Variants in PDE10A observed in about 807,000 individuals in gnomAD.
PDE10A encodes phosphodiesterase 10A.
In PDE10A, 39 loss-of-function variants were observed where a neutral mutation model predicts 97.7. The ratio of observed to expected loss-of-function variants is 0.40; its 90% CI spans 0.31 to 0.52. The LOEUF (loss-of-function observed/expected upper bound fraction) is 0.52. Among genes scored for constraint, PDE10A ranks in the 20% least tolerant of loss-of-function variants. The pLI, the probability that PDE10A is intolerant of heterozygous loss-of-function variation, is 0.56. For synonymous variants in PDE10A, 371 were observed against 376.8 expected (o/e 0.98, Z 0.18); for missense variants, 731 against 1,047.8 (o/e 0.70, Z 4.17).
upstream of PDE10A, among the ~76,000 whole-genome samples, chr6:165,664,074 C>T (rs1316425337): frequency 6.6e-6 from 1 of 152,156 alleles, no homozygotes; most frequent in African/African-American, 2.4e-5. Flanking sequence ...CACGGTGGCA[C>T]GGGCTGTCCG....
At chr6:165,409,554 GA>G in intron 13 of PDE10A, 4 of 161,600 alleles carry the variant, frequency 2.5e-5, no homozygotes, top group Non-Finnish European at 5.3e-5. Flanking sequence ...ATCTCAGAAA[GA>G]AAAGGTGTCT....
chr6:165,608,762 C>T (rs559595296), intron 1 of PDE10A, among the ~76,000 whole-genome samples: 1 of 152,328 alleles, frequency 6.6e-6, no homozygotes, highest in South Asian at 2.1e-4. Context: ...TCCATATCCT[C>T]TCCAGCACCT....
At chr6:165,503,384 C>T (rs1246272156) in intron 2 of PDE10A, among the ~76,000 whole-genome samples, 1 of 152,162 alleles carries the variant, frequency 6.6e-6, no homozygotes, top group Non-Finnish European at 1.5e-5. Flanking sequence ...GGCAAGCAAA[C>T]CAAAGCAATC....
At chr6:165,947,514 C>G (rs1783811512) in intron 1 of PDE10A, among the ~76,000 whole-genome samples, 1 of 152,158 alleles carries the variant, frequency 6.6e-6, no homozygotes, top group South Asian at 2.1e-4. Context: ...CTTTCTCTCA[C>G]CAACTCAGCT....
chr6:165,583,144 A>C (rs1331053577), intron 1 of PDE10A, among the ~76,000 whole-genome samples: 1 of 152,194 alleles, frequency 6.6e-6, no homozygotes, highest in Non-Finnish European at 1.5e-5. Flanking sequence ...TTTAATCTTC[A>C]AAATGATCCA....
At chr6:165,712,623 C>T (rs1278087167) in intron 1 of PDE10A, among the ~76,000 whole-genome samples, 28 of 130,482 alleles carry the variant, frequency 2.1e-4, no homozygotes. Flanking sequence ...AACGTTTCAA[C>T]TTTCTTTCTT....
intron 18 of PDE10A, among the ~76,000 whole-genome samples, chr6:165,366,850 G>A (rs184524412): frequency 1.2e-3 from 184 of 152,286 alleles, no homozygotes; most frequent in African/African-American, 4.1e-3. Context: ...GATGATTGAT[G>A]AGAAATGCAA....
intron 6 of PDE10A, among the ~76,000 whole-genome samples, chr6:165,433,658 TATC>T (rs895803492): frequency 3.3e-5 from 5 of 152,190 alleles, no homozygotes; most frequent in African/African-American, 9.7e-5. Context: ...ATCAATTACT[TATC>T]ATAAGAAATG....
chr6:165,676,459 G>A lies in PDE10A; in HGVS notation c.-614-132891C>T, dbSNP rs548453607. Among the ~76,000 whole-genome samples, 10 of 152,320 alleles carry A rather than the reference G, an allele frequency of 6.6e-5. No homozygotes were observed. In the East Asian group the frequency reaches 1.5e-3, roughly 23 times the overall value. On this transcript the variant is annotated intron_variant, in intron 1 of 19. Coordinates refer to the PDE10A transcript ENST00000366882. ...TGGGAAACCGGACAGGTGCCGCAGA[G>A]GAAGAGGTGGGTCAGGGTGCTGGGC...
chr6:165,948,244 T>C (rs1309954334), intron 1 of PDE10A: 1 of 152,148 alleles, frequency 6.6e-6, no homozygotes, highest in Non-Finnish European at 1.5e-5. Flanking sequence ...AGTTTTATTA[T>C]CAAGTGCAGG....
intron 1 of PDE10A, among the ~76,000 whole-genome samples, chr6:165,614,097 T>A (rs1323014437): frequency 1.3e-5 from 2 of 152,334 alleles, no homozygotes; most frequent in East Asian, 1.9e-4. Context: ...ACATTTCCAC[T>A]TACTTTGACC....
chr6:165,860,850 A>G (rs554499066), intron 1 of PDE10A, among the ~76,000 whole-genome samples: 74 of 152,284 alleles, frequency 4.9e-4, no homozygotes, highest in African/African-American at 1.7e-3. Flanking sequence ...CACACAGAGG[A>G]CCTGAAGGGC....
intron 2 of PDE10A, among the ~76,000 whole-genome samples, chr6:165,509,000 G>A (rs1381131795): frequency 1.3e-5 from 2 of 151,712 alleles, no homozygotes; most frequent in African/African-American, 2.4e-5. Flanking sequence ...ATTTTTTTCT[G>A]GGCATTTCAT....
At chr6:165,824,595 C>G (rs1432041893) in intron 1 of PDE10A, among the ~76,000 whole-genome samples, 1 of 152,146 alleles carries the variant, frequency 6.6e-6, no homozygotes, top group Non-Finnish European at 1.5e-5. Context: ...CACCTTGGAA[C>G]AAAGAATGTG....
At chr6:165,357,510 G>A (rs1783099511) in intron 18 of PDE10A, among the ~76,000 whole-genome samples, 1 of 152,070 alleles carries the variant, frequency 6.6e-6, no homozygotes, top group Non-Finnish European at 1.5e-5. Context: ...GCCTGGTCCT[G>A]AGGGATGGGT....
chr6:165,350,403 A>G (rs1477312569), intron 18 of PDE10A, among the ~76,000 whole-genome samples: 1 of 152,118 alleles, frequency 6.6e-6, no homozygotes, highest in Non-Finnish European at 1.5e-5. Context: ...GGAATGCTAT[A>G]TTTACCCAAT....
intron 1 of PDE10A, among the ~76,000 whole-genome samples, chr6:165,933,978 C>T (rs1330850898): frequency 6.6e-6 from 1 of 151,086 alleles, no homozygotes; most frequent in Non-Finnish European, 1.5e-5. Flanking sequence ...CATTTTGAAG[C>T]ATCAATTCCC....
chr6:165,900,602 T>TATATAC (rs1256670161), intron 1 of PDE10A, among the ~76,000 whole-genome samples: 9 of 150,178 alleles, frequency 6.0e-5, no homozygotes, highest in Admixed American at 1.3e-4. Context: ...CCCCCATGTG[T>TATATAC]ATATACACCT....
At chr6:165,748,808 TTGTG>T (rs71029562) in intron 1 of PDE10A, among the ~76,000 whole-genome samples, 1,692 of 147,686 alleles carry the variant, frequency 0.011, 12 homozygotes, top group Non-Finnish European at 0.018. Context: ...AGAAAGAAGT[TTGTG>T]TGTGTGTGTG....
Sources: gnomAD v4.1 joint callset for allele counts (sites outside exome capture counted in the v4.1 genomes callset) on GRCh38, gnomAD v4.1.1 for gene constraint, MANE v1.5 for transcripts, NCBI Gene and HGNC (gene_info 2026-07-23, HGNC 2026-07-21) for gene names.